Variants in PRKD1 observed in about 807,000 individuals in gnomAD.
PRKD1 encodes serine/threonine-protein kinase D1.
PRKD1 carries 63 observed loss-of-function variants against 95.9 expected under a neutral mutation model. That is an observed-to-expected ratio of 0.66 (90% CI 0.54 to 0.81). The LOEUF (loss-of-function observed/expected upper bound fraction) is 0.81. PRKD1 is among the 30% of genes least tolerant of loss of function. The pLI is 0.00. For synonymous variants in PRKD1, 425 were observed against 423.1 expected, an observed-to-expected ratio of 1.00 and a Z score of -0.05; for missense variants, 1,048 against 1,165.3, an observed-to-expected ratio of 0.90 and a Z score of 1.47.
chr14:29,887,067 AC>A lies in PRKD1; in HGVS notation c.264+40181del, dbSNP rs777515119. ...AGCATAATTTTTCCAGCAATGATGC[AC>A]CAAAAGTATAATGCAAAATAAGACT... On this transcript the variant is annotated intron_variant, in intron 1 of 17. Coordinates refer to ENST00000331968, the MANE Select transcript of PRKD1 (RefSeq NM_002742.3). 1.3e-5 allele frequency among the ~76,000 whole-genome samples: 2 copies of A among 152,234 alleles called. 1 individual carries two copies. Among genetic ancestry groups the A allele is most frequent in the Admixed American group, 1.3e-4 (2 of 15,282 alleles).
intron 1 of PRKD1, among the ~76,000 whole-genome samples, chr14:29,845,379 A>G (rs563780185): frequency 6.6e-6 from 1 of 152,222 alleles, no homozygotes; most frequent in Non-Finnish European, 1.5e-5. Context: ...TTTACCACCT[A>G]TAAGCACACT....
intron 1 of PRKD1, among the ~76,000 whole-genome samples, chr14:29,856,252 T>A (rs79792714): frequency 4.3e-4 from 66 of 152,278 alleles, no homozygotes; most frequent in African/African-American, 1.4e-3. Context: ...AGTTTTTCAC[T>A]TGAGACAAGC....
chr14:29,749,435 G>A (rs761626298), intron 1 of PRKD1, among the ~76,000 whole-genome samples: 17 of 152,110 alleles, frequency 1.1e-4, no homozygotes, highest in Non-Finnish European at 1.5e-4. Flanking sequence ...TGCTGGGGAC[G>A]GCACACAGGG....
intron 1 of PRKD1, among the ~76,000 whole-genome samples, chr14:29,777,755 G>T (rs1157261779): frequency 6.6e-6 from 1 of 152,050 alleles, no homozygotes. Flanking sequence ...AGTTACCAAG[G>T]ATATACAGGA....
intron 1 of PRKD1, among the ~76,000 whole-genome samples, chr14:29,743,406 A>T (rs995114290): frequency 5.3e-5 from 8 of 152,156 alleles, no homozygotes; most frequent in Admixed American, 3.9e-4. Flanking sequence ...TAAACATGGT[A>T]TTTTATATAT....
chr14:29,633,024 C>T, intron 8 of PRKD1, 78 bp from the exon 9 acceptor site: 3 of 1,309,116 alleles, frequency 2.3e-6, no homozygotes. Flanking sequence ...ATAGATTTCC[C>T]CAATAGGGAC....
At chr14:29,631,710 G>C (rs1880018988) in intron 9 of PRKD1, among the ~76,000 whole-genome samples, 1 of 152,034 alleles carries the variant, frequency 6.6e-6, no homozygotes, top group Non-Finnish European at 1.5e-5. Context: ...ATGTTGGCCA[G>C]CCTGGTCTTG....
intron 2 of PRKD1, among the ~76,000 whole-genome samples, chr14:29,670,319 G>C (rs959923567): frequency 6.6e-6 from 1 of 152,136 alleles, no homozygotes; most frequent in African/African-American, 2.4e-5. Flanking sequence ...CAAATGCAGG[G>C]ATGGAACAGA....
intron 1 of PRKD1, among the ~76,000 whole-genome samples, chr14:29,885,124 T>TAAA (rs1220944588): frequency 9.2e-5 from 12 of 131,068 alleles, no homozygotes; most frequent in Non-Finnish European, 1.1e-4. Flanking sequence ...CTCCATCTTT[T>TAAA]AAAAAAAAAA....
intron 1 of PRKD1, among the ~76,000 whole-genome samples, chr14:29,732,189 T>G (rs1055108498): frequency 6.6e-6 from 1 of 152,188 alleles, no homozygotes; most frequent in Non-Finnish European, 1.5e-5. Context: ...CCTTACCTTT[T>G]AAGTTGTTTC....
chr14:29,727,917 A>G (rs956568116), intron 1 of PRKD1, among the ~76,000 whole-genome samples: 2 of 151,418 alleles, frequency 1.3e-5, no homozygotes, highest in Non-Finnish European at 2.9e-5. Flanking sequence ...AGAACAAAAA[A>G]CCAAACACCG....
At chr14:29,849,155 C>A (rs547645883) in intron 1 of PRKD1, among the ~76,000 whole-genome samples, 7 of 152,292 alleles carry the variant, frequency 4.6e-5, no homozygotes, top group African/African-American at 1.4e-4. Context: ...AGACTTTCCC[C>A]TTTGGTGCTG....
chr14:29,754,086 T>C (rs1887596229), intron 1 of PRKD1, among the ~76,000 whole-genome samples: 1 of 152,180 alleles, frequency 6.6e-6, no homozygotes. Flanking sequence ...TTGCCAACAT[T>C]GGCTATTACC....
At chr14:29,763,425 G>A (rs1276592594) in intron 1 of PRKD1, among the ~76,000 whole-genome samples, 1 of 98,676 alleles carries the variant, frequency 1.0e-5, no homozygotes, top group Non-Finnish European at 2.1e-5. Context: ...GGGAGGGGAA[G>A]GGAGGGGGAG....
At chr14:29,921,419 G>A (rs967733539) in intron 1 of PRKD1, among the ~76,000 whole-genome samples, 2 of 151,474 alleles carry the variant, frequency 1.3e-5, no homozygotes, top group African/African-American at 4.8e-5. Context: ...AATTTCTTTT[G>A]TTAATAAGAC....
intron 1 of PRKD1, among the ~76,000 whole-genome samples, chr14:29,833,382 T>C (rs924756433): frequency 2.6e-5 from 4 of 152,116 alleles, no homozygotes; most frequent in Non-Finnish European, 5.9e-5. Flanking sequence ...AATAAACCTG[T>C]TAAAGTACAC....
intron 16 of PRKD1, among the ~76,000 whole-genome samples, chr14:29,580,184 C>T (rs45499795): frequency 1.5e-4 from 23 of 152,244 alleles, no homozygotes; most frequent in African/African-American, 5.5e-4. Flanking sequence ...CAAAAGGTCT[C>T]GTTTGTGCCC....
At chr14:29,633,599 G>C (rs1046607083) in intron 8 of PRKD1, among the ~76,000 whole-genome samples, 15 of 152,094 alleles carry the variant, frequency 9.9e-5, no homozygotes, top group Non-Finnish European at 1.9e-4. Context: ...GGATTTTAGG[G>C]TGTGTGTGTA....
chr14:29,590,465 T>C (rs1374927176), intron 16 of PRKD1, among the ~76,000 whole-genome samples: 1 of 152,192 alleles, frequency 6.6e-6, no homozygotes. Context: ...ACTCATTCAC[T>C]CTGACAGAAT....
Sources: allele counts gnomAD v4.1 joint callset (sites outside exome capture counted in the v4.1 genomes callset), GRCh38; gene constraint gnomAD v4.1.1; transcripts MANE v1.5; gene names NCBI Gene and HGNC (gene_info 2026-07-23, HGNC 2026-07-21).